NSMCE2: variants seen among roughly 807,000 people sequenced by gnomAD.
NSMCE2 encodes NSE2 SUMO ligase component of SMC5/6 complex, also known as E3 SUMO-protein ligase NSE2.
Under a neutral mutation model 23.8 loss-of-function variants are expected in NSMCE2, and 24 were observed. The observed-to-expected ratio is 1.01, with a 90% CI of 0.73 to 1.42. The LOEUF (loss-of-function observed/expected upper bound fraction) is 1.42, where lower values mean the gene tolerates loss of function less well. Ranked by LOEUF, NSMCE2 falls within the 40% of genes most tolerant of loss-of-function variation. The pLI is 0.00. For synonymous variants in NSMCE2, 92 were observed against 94.1 expected (o/e 0.98, Z 0.13); for missense variants, 284 against 296.5 (o/e 0.96, Z 0.31).
chr8:125,151,127 C>A, intron 3 of NSMCE2, 44 bp from the exon 4 acceptor site: 2 of 1,004,486 alleles, frequency 2.0e-6, no homozygotes, highest in South Asian at 1.4e-5. Flanking sequence ...CCAGATATGG[C>A]ATTTTAAATG....
rs182709128 is a variant in NSMCE2 at position 125,247,175 on chromosome 8, A to C, written c.418+64919A>C. 3.1e-3 allele frequency among the ~76,000 whole-genome samples: 472 copies of C among 151,010 alleles called. 1 individual carries two copies. Among genetic ancestry groups the C allele is most frequent in the South Asian group, 9.2e-3 (44 of 4,772 alleles). On this transcript the variant is annotated intron_variant, in intron 5 of 7. Coordinates refer to ENST00000287437, the MANE Select transcript of NSMCE2 (RefSeq NM_173685.4). The stretch of plus-strand genomic sequence containing the variant: ...GAAACCCTGTCTCCAAAAAATAACA[A>C]AAAAAAAATTAGCTGGGAGTAGTAT...
intron 4 of NSMCE2, among the ~76,000 whole-genome samples, chr8:125,170,144 G>T (rs1822106677): frequency 1.3e-5 from 2 of 151,938 alleles, no homozygotes; most frequent in African/African-American, 4.8e-5. Flanking sequence ...ACATATAACT[G>T]TCTTCTCTTC....
chr8:125,328,122 C>A (rs1373388463), intron 5 of NSMCE2, among the ~76,000 whole-genome samples: 1 of 149,282 alleles, frequency 6.7e-6, no homozygotes, highest in African/African-American at 2.5e-5. Context: ...TTTTAAGAGG[C>A]AGGCATCATC....
intron 3 of NSMCE2, among the ~76,000 whole-genome samples, chr8:125,105,919 A>G (rs879778809): frequency 6.6e-6 from 1 of 152,174 alleles, no homozygotes; most frequent in Non-Finnish European, 1.5e-5. Context: ...AGTTAATTTA[A>G]GAAAAATTTT....
intron 4 of NSMCE2, among the ~76,000 whole-genome samples, chr8:125,162,594 C>T (rs964552185): frequency 1.3e-5 from 2 of 151,982 alleles, no homozygotes; most frequent in Admixed American, 1.3e-4. Context: ...ATCTGCCCCT[C>T]CTATCTAGTG....
chr8:125,231,237 C>A (rs1229211242), intron 5 of NSMCE2, among the ~76,000 whole-genome samples: 1 of 152,178 alleles, frequency 6.6e-6, no homozygotes, highest in Non-Finnish European at 1.5e-5. Context: ...ACCTAATACA[C>A]AGAAAGTGCT....
chr8:125,309,879 G>A (rs1828913741), intron 5 of NSMCE2, among the ~76,000 whole-genome samples: 1 of 152,228 alleles, frequency 6.6e-6, no homozygotes, highest in Non-Finnish European at 1.5e-5. Flanking sequence ...GATCTAATAA[G>A]ATTGGACTGT....
intron 5 of NSMCE2, among the ~76,000 whole-genome samples, chr8:125,317,909 G>A (rs1319169825): frequency 6.6e-6 from 1 of 152,112 alleles, no homozygotes; most frequent in Admixed American, 6.5e-5. Context: ...ATTTTTAGAT[G>A]CCCTCAGTAA....
intron 3 of NSMCE2, among the ~76,000 whole-genome samples, chr8:125,150,732 TGTGTTATTAAAA>T (rs1218337149): frequency 2.0e-5 from 3 of 152,152 alleles, no homozygotes; most frequent in African/African-American, 7.2e-5. Context: ...AATCTAGCTC[TGTGTTATTAAAA>T]GTGAGAATCT....
chr8:125,326,149 C>A (rs986182741), intron 5 of NSMCE2, among the ~76,000 whole-genome samples: 2 of 150,096 alleles, frequency 1.3e-5, no homozygotes, highest in Non-Finnish European at 3.0e-5. Flanking sequence ...CCCAGCTACT[C>A]GGGAGGCTGA....
intron 1 of NSMCE2, among the ~76,000 whole-genome samples, chr8:125,098,521 A>G (rs1047430419): frequency 2.6e-5 from 4 of 152,136 alleles, no homozygotes; most frequent in Admixed American, 6.5e-5. Context: ...AAGAGGCAAG[A>G]CTGAGAGCAG....
intron 5 of NSMCE2, among the ~76,000 whole-genome samples, chr8:125,262,497 A>G (rs956228076): frequency 6.6e-6 from 1 of 152,220 alleles, no homozygotes. Context: ...TTTGCCATTC[A>G]TTCATTCATC....
intron 4 of NSMCE2, among the ~76,000 whole-genome samples, chr8:125,180,327 C>G (rs1822739430): frequency 6.6e-6 from 1 of 152,150 alleles, no homozygotes; most frequent in Non-Finnish European, 1.5e-5. Flanking sequence ...TCCATGTTTT[C>G]TAAAACTCTC....
At chr8:125,263,778 C>T (rs1366460231) in intron 5 of NSMCE2, among the ~76,000 whole-genome samples, 1 of 151,722 alleles carries the variant, frequency 6.6e-6, no homozygotes, top group Admixed American at 6.6e-5. Flanking sequence ...AAAGAAGAGG[C>T]CTGATATGAC....
chr8:125,184,154 A>G (rs114581170), intron 5 of NSMCE2, among the ~76,000 whole-genome samples: 2,335 of 152,282 alleles, frequency 0.015, 40 homozygotes, highest in Admixed American at 0.047. Context: ...CTGAGTTTTA[A>G]GTAATTTTAT....
chr8:125,140,470 C>G (rs965315801), intron 3 of NSMCE2, among the ~76,000 whole-genome samples: 1 of 152,154 alleles, frequency 6.6e-6, no homozygotes. Flanking sequence ...TGAGACCAGC[C>G]TGGCCAACAT....
chr8:125,357,888 T>C (rs1813354003), intron 7 of NSMCE2, 70 bp downstream of exon 7: 3 of 1,053,934 alleles, frequency 2.8e-6, no homozygotes. Context: ...GTGTTCACGC[T>C]AGAGGAAGAG....
intron 4 of NSMCE2, among the ~76,000 whole-genome samples, chr8:125,167,208 T>C (rs1006628358): frequency 1.3e-5 from 2 of 152,188 alleles, no homozygotes; most frequent in Non-Finnish European, 2.9e-5. Flanking sequence ...CACTACTGAG[T>C]TGTGTAGTAA....
At chr8:125,288,299 G>T (rs1827977245) in intron 5 of NSMCE2, among the ~76,000 whole-genome samples, 1 of 152,150 alleles carries the variant, frequency 6.6e-6, no homozygotes, top group African/African-American at 2.4e-5. Flanking sequence ...GTAACAGGAG[G>T]CCCTCAGCCT....
Sources: allele counts gnomAD v4.1 joint callset (sites outside exome capture counted in the v4.1 genomes callset), GRCh38; gene constraint gnomAD v4.1.1; transcripts MANE v1.5; gene names NCBI Gene and HGNC (gene_info 2026-07-23, HGNC 2026-07-21).